Variants in LANCL3 observed in about 807,000 individuals in gnomAD.
LANCL3 encodes the protein lanC-like protein 3.
Under a neutral mutation model 26.5 loss-of-function variants are expected in LANCL3, and 19 were observed. That is an observed-to-expected ratio of 0.72 (90% confidence interval 0.50 to 1.05). The LOEUF (loss-of-function observed/expected upper bound fraction) is 1.05. LANCL3 is among the 50% of genes least tolerant of loss of function. The pLI is 0.00. For missense variants in LANCL3, 318 were observed against 362.7 expected (o/e 0.88, Z 1.00); for synonymous variants, 160 against 166.6 (o/e 0.96, Z 0.30).
At chrX:37,653,123 C>T (rs1486649635) in intron 1 of LANCL3, among the ~76,000 whole-genome samples, 1 of 111,073 alleles carries the variant, frequency 9.0e-6, no homozygotes, top group Non-Finnish European at 1.9e-5. Flanking sequence ...GGAAACCACC[C>T]AGACATGATA....
rs1602136184 is a variant in LANCL3, at chrX:37,667,493, A to G, written c.1103+4A>G. 9.1e-7 allele frequency: 1 copy of G among 1,101,011 alleles called. No homozygotes were observed. The allele number at this position is 1,101,011 out of a possible 1,213,427, so 90.7% of individuals were successfully genotyped here. On this transcript the variant is annotated splice_donor_region_variant and intron_variant, in intron 4 of 4. Coordinates refer to ENST00000378619, the MANE Select transcript of LANCL3 (RefSeq NM_001170331.2). ...AATACATCTACCGAGCTCAAAGGTC[A>G]GCTGTTCTTTATGGGTCTTTTTTTT...
intron 1 of LANCL3, among the ~76,000 whole-genome samples, chrX:37,585,786 G>A (rs1346257587): frequency 4.5e-5 from 5 of 111,612 alleles, no homozygotes; most frequent in African/African-American, 1.3e-4. Flanking sequence ...GGAGCATTTA[G>A]CCCATTTACA....
Position 37,656,247 on chromosome X carries a change from C to CAA in LANCL3, c.697+448_697+449dup, listed in dbSNP as rs781921541. On this transcript the variant is annotated intron_variant, in intron 2 of 4. Transcript: ENST00000378619. ...GGCTAATGGTGAGCTCTGGGCCATGCAAAAAAAAAAAAAGGGAAATTAGTT... is the reference window on the plus strand; with the variant it reads ...GGCTAATGGTGAGCTCTGGGCCATGCAAAAAAAAAAAAAAAGGGAAATTAGTT... Among the ~76,000 whole-genome samples, 260 of 85,224 alleles carry CAA rather than the reference C, an allele frequency of 3.1e-3. 1 individual carries two copies. Among genetic ancestry groups the CAA allele is most frequent in the African/African-American group, 0.011 (247 of 23,404 alleles). The allele number at this position is 85,224 out of a possible 115,157, so 74.0% of individuals were successfully genotyped here. A position where few individuals can be genotyped will look rare whatever the true frequency, so the allele number is the denominator to read the frequency against.
intron 1 of LANCL3, among the ~76,000 whole-genome samples, chrX:37,605,760 T>G (rs892480735): frequency 8.1e-5 from 9 of 111,108 alleles, no homozygotes; most frequent in Non-Finnish European, 1.7e-4. Context: ...TGACACCTTT[T>G]TGACGAGACC....
In LANCL3 at chrX:37,682,876, G is replaced by A. The variant is rs1040230525; in HGVS notation, c.*7063G>A. 8.9e-6 allele frequency: 1 copy of A among 111,819 alleles called. No homozygotes were observed. The highest frequency in any genetic ancestry group is 3.7e-4 in the South Asian group (1 of 2,672). The allele number at this position is 111,819 out of a possible 1,213,427, so 9.2% of individuals were successfully genotyped here. A position where few individuals can be genotyped will look rare whatever the true frequency, so the allele number is the denominator to read the frequency against. Reference sequence around the variant, plus strand: ...GTTTTAGAATCTGTTAAGGAAGGACGGCCCAATCTTTGAAAAGGTACAGCT... The same window carrying A: ...GTTTTAGAATCTGTTAAGGAAGGACAGCCCAATCTTTGAAAAGGTACAGCT... On this transcript the variant is annotated 3_prime_UTR_variant, in exon 5 of 5. Coordinates refer to ENST00000378619, the MANE Select transcript of LANCL3 (RefSeq NM_001170331.2).
At chrX:37,607,310 A>T (rs1324788061) in intron 1 of LANCL3, among the ~76,000 whole-genome samples, 1 of 111,858 alleles carries the variant, frequency 8.9e-6, no homozygotes, top group African/African-American at 3.3e-5. Context: ...CTCATTTTTC[A>T]TTCTCTGTGC....
In LANCL3 at chrX:37,583,023, C is replaced by G. The variant is rs138051494; in HGVS notation, c.573+10580C>G. Among the ~76,000 whole-genome samples, 894 of 111,763 alleles carry G rather than the reference C, an allele frequency of 8.0e-3. 5 individuals are homozygous for G. Among genetic ancestry groups the G allele is most frequent in the African/African-American group, 0.028 (848 of 30,712 alleles). On this transcript the variant is annotated intron_variant, in intron 1 of 4. Coordinates refer to ENST00000378619, the MANE Select transcript of LANCL3 (RefSeq NM_001170331.2). ...GTGTAAGGAAGGGATCCAGTTTCACCTTTCTACATATGGCTAGCCAGTTTT... is the reference window on the plus strand; with the variant it reads ...GTGTAAGGAAGGGATCCAGTTTCACGTTTCTACATATGGCTAGCCAGTTTT...
intron 1 of LANCL3, among the ~76,000 whole-genome samples, chrX:37,640,072 A>G (rs1405494310): frequency 8.9e-6 from 1 of 112,314 alleles, no homozygotes; most frequent in Non-Finnish European, 1.9e-5. Context: ...ATAACAAATT[A>G]TGGACAGTGG....
intron 3 of LANCL3, among the ~76,000 whole-genome samples, chrX:37,664,741 TG>T (rs1170375395): frequency 2.7e-5 from 3 of 111,005 alleles, no homozygotes; most frequent in Non-Finnish European, 5.7e-5. Flanking sequence ...AAGTAGGCCC[TG>T]GTGTCTATTG....
At chrX:37,633,855 C>T (rs1925616923) in intron 1 of LANCL3, among the ~76,000 whole-genome samples, 1 of 112,053 alleles carries the variant, frequency 8.9e-6, no homozygotes. Context: ...GGGGTGCCTC[C>T]CAGTTAGGCT....
At chrX:37,635,900 A>G (rs1384175467) in intron 1 of LANCL3, among the ~76,000 whole-genome samples, 2 of 110,562 alleles carry the variant, frequency 1.8e-5, no homozygotes, top group African/African-American at 6.6e-5. Flanking sequence ...AGATTATTTC[A>G]TCACCCAGGT....
intron 1 of LANCL3, among the ~76,000 whole-genome samples, chrX:37,652,635 G>C (rs1233304416): frequency 8.9e-6 from 1 of 112,456 alleles, no homozygotes; most frequent in Non-Finnish European, 1.9e-5. Context: ...ATTTGGGTTT[G>C]TTTGGTGAAG....
Position 37,684,021 on chromosome X carries a change from C to T in LANCL3, c.*8208C>T, listed in dbSNP as rs1926998743. 1 of 111,977 alleles carries T rather than the reference C, an allele frequency of 8.9e-6. No individual in the cohort carries two copies. The highest frequency in any genetic ancestry group is 2.8e-4 in the East Asian group (1 of 3,600). 9.2% of individuals were successfully genotyped at this position (111,977 alleles called of 1,213,427 possible). ...ATGATAATACAGAAAGACGTGATCA[C>T]TGGAGCAAGTTAGCTGGTGTGCAGA... On this transcript the variant is annotated 3_prime_UTR_variant, in exon 5 of 5. Transcript: ENST00000378619.
chrX:37,667,452 C>T lies in LANCL3; in HGVS notation c.1066C>T (p.Leu356Phe). Residue 356 changes from leucine (L) to phenylalanine (F), a missense_variant, in exon 4 of 5, where the codon CTC becomes TTC. Coordinates refer to ENST00000378619, the MANE Select transcript of LANCL3 (RefSeq NM_001170331.2). ...SAYVFLLLYR[L>F]TGNSKYIYRA... ...CTATGTCTTCCTGCTGCTGTACCGG[C>T]TCACGGGAAACTCTAAATACATCTA... The T allele has an allele frequency of 8.4e-7, 1 of 1,194,192 alleles. No homozygotes were observed. The highest frequency in any genetic ancestry group is 3.1e-5 in the East Asian group (1 of 32,542).
intron 1 of LANCL3, among the ~76,000 whole-genome samples, chrX:37,647,311 CAAAAAAACA>C (rs1344977701): frequency 1.6e-5 from 1 of 62,433 alleles, no homozygotes; most frequent in Non-Finnish European, 2.7e-5. Context: ...AAGACTTCAT[CAAAAAAACA>C]AAAAAACAAA....
At chrX:37,649,387 A>G (rs1279005658) in intron 1 of LANCL3, among the ~76,000 whole-genome samples, 1 of 110,819 alleles carries the variant, frequency 9.0e-6, no homozygotes, top group Non-Finnish European at 1.9e-5. Context: ...TCTCACTCAT[A>G]AGTGGGAGTT....
intron 1 of LANCL3, among the ~76,000 whole-genome samples, chrX:37,576,767 G>C (rs146841039): frequency 8.9e-6 from 1 of 112,063 alleles, no homozygotes; most frequent in African/African-American, 3.2e-5. Flanking sequence ...GGTGGCAAAG[G>C]GGAGGGCTGC....
At chrX:37,637,502 G>A (rs782707980) in intron 1 of LANCL3, among the ~76,000 whole-genome samples, 49 of 111,048 alleles carry the variant, frequency 4.4e-4, no homozygotes, top group African/African-American at 1.6e-3. Flanking sequence ...CATGCGCGTG[G>A]CCCCTTCCTC....
chrX:37,664,387 AC>A (rs782512987), intron 3 of LANCL3, among the ~76,000 whole-genome samples: 14 of 111,953 alleles, frequency 1.3e-4, no homozygotes, highest in Non-Finnish European at 1.7e-4. Context: ...AAAGCTTAAC[AC>A]CTGCTACTGT....
Sources: allele counts gnomAD v4.1 joint callset (sites outside exome capture counted in the v4.1 genomes callset), GRCh38; gene constraint gnomAD v4.1.1; transcripts MANE v1.5; gene names NCBI Gene and HGNC (gene_info 2026-07-23, HGNC 2026-07-21).